GPC3: variants seen among roughly 807,000 people sequenced by gnomAD.
The protein encoded by GPC3 is glypican-3.
In GPC3, 3 loss-of-function variants were observed where a neutral mutation model predicts 34.4. That is an observed-to-expected ratio of 0.09 (90% confidence interval 0.04 to 0.23). The LOEUF (loss-of-function observed/expected upper bound fraction) is 0.23. Among genes scored for constraint, GPC3 ranks in the 10% least tolerant of loss-of-function variants. The pLI is 1.00. For synonymous variants in GPC3, 177 were observed against 174.0 expected (o/e 1.02, Z -0.13); for missense variants, 351 against 445.6 (o/e 0.79, Z 1.91).
chrX:133,969,218 T>C (rs2076478486), intron 1 of GPC3, among the ~76,000 whole-genome samples: 3 of 111,194 alleles, frequency 2.7e-5, no homozygotes. Flanking sequence ...GTCTTTACTA[T>C]AAAGAGAGCA....
chrX:133,613,630 A>G (rs1446921944), intron 6 of GPC3, among the ~76,000 whole-genome samples: 1 of 112,325 alleles, frequency 8.9e-6, no homozygotes, highest in Non-Finnish European at 1.9e-5. Flanking sequence ...TTGTAAATAC[A>G]ATAGACCCAC....
chrX:133,886,307 A>C (rs1298890596), intron 2 of GPC3, among the ~76,000 whole-genome samples: 2 of 107,288 alleles, frequency 1.9e-5, no homozygotes, highest in Non-Finnish European at 3.9e-5. Context: ...CCAGGAGTTC[A>C]AGACCAGCCT....
chrX:133,555,886 C>T (rs186131441), intron 7 of GPC3, among the ~76,000 whole-genome samples: 155 of 111,266 alleles, frequency 1.4e-3, no homozygotes, highest in Non-Finnish European at 2.6e-3. Context: ...TGCAGCATTT[C>T]TATTTCTATT....
rs186634015 is a variant in GPC3 at position 133,823,479 on chromosome X, C to T, written c.338-69303G>A. Among the ~76,000 whole-genome samples the T allele has an allele frequency of 2.5e-3, 282 of 111,122 alleles. 1 individual carries two copies. Among genetic ancestry groups the T allele is most frequent in the African/African-American group, 8.6e-3 (264 of 30,635 alleles). ...CTGAAAATAAGAACTAAAGAAAGAG[C>T]AACAGAAAAGACAAATATCCAAATA... On this transcript the variant is annotated intron_variant, in intron 2 of 7. Transcript: ENST00000370818.
At chrX:133,852,967 C>T (rs1223362393) in intron 2 of GPC3, among the ~76,000 whole-genome samples, 2 of 79,346 alleles carry the variant, frequency 2.5e-5, no homozygotes, top group African/African-American at 5.1e-5. Context: ...GTTAATTTGA[C>T]GTGCAATTTT....
At chrX:133,833,279 C>T (rs922409765) in intron 2 of GPC3, among the ~76,000 whole-genome samples, 2 of 111,243 alleles carry the variant, frequency 1.8e-5, no homozygotes, top group Non-Finnish European at 3.8e-5. Flanking sequence ...TGTATAAGGG[C>T]ATGAACATAT....
intron 2 of GPC3, among the ~76,000 whole-genome samples, chrX:133,796,628 C>T (rs2075583374): frequency 1.8e-5 from 2 of 112,218 alleles, no homozygotes; most frequent in Middle Eastern, 4.6e-3. Flanking sequence ...GCACCCTCTG[C>T]CTCAATTACT....
intron 3 of GPC3, among the ~76,000 whole-genome samples, chrX:133,702,875 C>A (rs182771301): frequency 7.8e-4 from 88 of 112,286 alleles, no homozygotes; most frequent in Middle Eastern, 4.7e-3. Context: ...TTCTCATATA[C>A]AAAGCATTTG....
chrX:133,609,925 C>G (rs2070092147), intron 6 of GPC3, among the ~76,000 whole-genome samples: 1 of 112,286 alleles, frequency 8.9e-6, no homozygotes, highest in Non-Finnish European at 1.9e-5. Flanking sequence ...TTTCACTTCT[C>G]TGAAATAAGT....
At chrX:133,976,786 T>G (rs2076517561) in intron 1 of GPC3, among the ~76,000 whole-genome samples, 1 of 109,481 alleles carries the variant, frequency 9.1e-6, no homozygotes, top group Non-Finnish European at 1.9e-5. Context: ...AGTGTGGTGG[T>G]GGGCACCTGT....
At position 133,798,454 on chromosome X, in the gene GPC3, T is replaced by C. The variant is rs1450974087; in HGVS notation, c.338-44278A>G. 8.0e-5 allele frequency among the ~76,000 whole-genome samples: 9 copies of C among 112,286 alleles called. No homozygotes were observed. The Admixed American group carries it at 8.5e-4, about 11-fold the overall frequency. On this transcript the variant is annotated intron_variant, in intron 2 of 7. Transcript: ENST00000370818. ...ACTGCTAGATACCGACACTGCTAGA[T>C]ACTAAGTACAAGCACTTGTCTCCCG...
At chrX:133,693,420 A>C (rs1400767991) in intron 4 of GPC3, among the ~76,000 whole-genome samples, 1 of 111,912 alleles carries the variant, frequency 8.9e-6, no homozygotes, top group African/African-American at 3.2e-5. Context: ...ACAGTGGTAA[A>C]TAAACAAAAA....
At chrX:133,737,739 T>C (rs2071524350) in intron 3 of GPC3, among the ~76,000 whole-genome samples, 1 of 111,366 alleles carries the variant, frequency 9.0e-6, no homozygotes, top group Non-Finnish European at 1.9e-5. Flanking sequence ...AGATGAGGTA[T>C]ACTAGGGGAT....
At chrX:133,964,380 C>T (rs1233373401) in intron 1 of GPC3, among the ~76,000 whole-genome samples, 1 of 111,895 alleles carries the variant, frequency 8.9e-6, no homozygotes, top group African/African-American at 3.2e-5. Flanking sequence ...CTTGATCCTA[C>T]AGATCCTGCA....
At chrX:133,830,266 G>T (rs1487297727) in intron 2 of GPC3, among the ~76,000 whole-genome samples, 1 of 111,571 alleles carries the variant, frequency 9.0e-6, no homozygotes, top group East Asian at 2.8e-4. Context: ...AGGCTTGAAG[G>T]CAATTCAGTG....
In GPC3 at chrX:133,719,880, C is replaced by T. The variant is rs931019484; in HGVS notation, c.1033-19852G>A. On this transcript the variant is annotated intron_variant, in intron 3 of 7. Transcript: ENST00000370818. ...GAATCAGAAAGAAAAAACAAATAGT[C>T]CCATCAAAAGGTGGGCAAAGAACAT... Among the ~76,000 whole-genome samples the T allele has an allele frequency of 4.5e-5, 5 of 111,508 alleles. No homozygotes were observed. The East Asian group carries it at 1.4e-3, about 31-fold the overall frequency.
At chrX:133,575,309 T>C (rs759595693) in intron 7 of GPC3, among the ~76,000 whole-genome samples, 3 of 111,816 alleles carry the variant, frequency 2.7e-5, no homozygotes, top group Non-Finnish European at 5.6e-5. Flanking sequence ...ATTATTATTA[T>C]CATTATTTTA....
chrX:133,573,516 A>T (rs969302409), intron 7 of GPC3, among the ~76,000 whole-genome samples: 3 of 112,082 alleles, frequency 2.7e-5, no homozygotes. Context: ...AAACCTAAAG[A>T]AATCACAAAG....
intron 2 of GPC3, among the ~76,000 whole-genome samples, chrX:133,772,172 A>G (rs2071929086): frequency 8.9e-6 from 1 of 112,102 alleles, no homozygotes; most frequent in South Asian, 3.8e-4. Context: ...TTTGCCTGCC[A>G]TCGCTCAATG....
Sources: gnomAD v4.1 joint callset for allele counts (sites outside exome capture counted in the v4.1 genomes callset) on GRCh38, gnomAD v4.1.1 for gene constraint, MANE v1.5 for transcripts, NCBI Gene and HGNC (gene_info 2026-07-23, HGNC 2026-07-21) for gene names.